The following B4GALNT3 variants were observed in gnomAD, a reference collection of about 807,000 sequenced individuals.
The protein encoded by B4GALNT3 is beta-1,4-N-acetyl-galactosaminyltransferase 3, also known as beta-1,4-N-acetylgalactosaminyltransferase 3.
B4GALNT3 carries 86 observed loss-of-function variants against 120.2 expected under a neutral mutation model. The observed-to-expected ratio is 0.72, with a 90% CI of 0.60 to 0.86. B4GALNT3 has a LOEUF of 0.86. Ranked by LOEUF, B4GALNT3 falls within the 40% of genes least tolerant of loss-of-function variation. B4GALNT3 has a pLI of 0.00. For missense variants in B4GALNT3, 1,167 were observed against 1,298.9 expected (o/e 0.90, Z 1.56); for synonymous variants, 518 against 510.4 (o/e 1.01, Z -0.20).
intron 1 of B4GALNT3, among the ~76,000 whole-genome samples, chr12:474,284 A>C (rs760133014): frequency 6.6e-6 from 1 of 152,196 alleles, no homozygotes; most frequent in Non-Finnish European, 1.5e-5. Flanking sequence ...TCCCAAAACC[A>C]GTATGGGGGG....
intron 18 of B4GALNT3, among the ~76,000 whole-genome samples, chr12:559,006 G>C (rs1947192891): frequency 6.6e-6 from 1 of 151,952 alleles, no homozygotes; most frequent in Admixed American, 6.6e-5. Flanking sequence ...AAACGGACAT[G>C]TAAACTGACA....
intron 1 of B4GALNT3, among the ~76,000 whole-genome samples, chr12:472,839 T>TCCAAAACTGCTGGGATTACAGGCACAAG (rs1946150406): frequency 1.3e-5 from 2 of 152,180 alleles, no homozygotes; most frequent in Non-Finnish European, 2.9e-5. Flanking sequence ...TGCGTCTATC[T>TCCAAAACTGCTGGGATTACAGGCACAAG]CCAAAACTGC....
In B4GALNT3 at chr12:545,427, T is replaced by C. The variant is rs1285156523; in HGVS notation, c.597T>C (p.Asp199=). 9.9e-6 allele frequency: 16 copies of C among 1,611,500 alleles called. No individual in the cohort carries two copies. The highest frequency in any genetic ancestry group is 1.7e-5 in the Admixed American group (1 of 59,738). ...DDNAEFWLSL[D]DQVSGLQLLA... ...ACGCGGAGTTCTGGCTGAGCCTCGATGACCAGGTCTCAGGCCTCCAGCTGC... is the reference window on the plus strand; with the variant it reads ...ACGCGGAGTTCTGGCTGAGCCTCGACGACCAGGTCTCAGGCCTCCAGCTGC... Residue 199 remains aspartate, a synonymous_variant, in exon 6 of 20, where the codon GAT becomes GAC. Coordinates refer to ENST00000266383, the MANE Select transcript of B4GALNT3 (RefSeq NM_173593.4).
intron 1 of B4GALNT3, among the ~76,000 whole-genome samples, chr12:531,698 G>A (rs1946809779): frequency 6.6e-6 from 1 of 152,068 alleles, no homozygotes; most frequent in Non-Finnish European, 1.5e-5. Flanking sequence ...GAGATACTGA[G>A]TATTTTTTAA....
chr12:537,697 G>A (rs1281318775), intron 3 of B4GALNT3, among the ~76,000 whole-genome samples: 2 of 152,220 alleles, frequency 1.3e-5, no homozygotes, highest in Admixed American at 1.3e-4. Context: ...TTAAATTTGA[G>A]TTTCCTATTT....
chr12:508,738 C>T (rs1309448728), intron 1 of B4GALNT3, among the ~76,000 whole-genome samples: 2 of 152,190 alleles, frequency 1.3e-5, no homozygotes, highest in Non-Finnish European at 2.9e-5. Context: ...CTTGCCCAAG[C>T]AGAGATTACA....
intron 1 of B4GALNT3, among the ~76,000 whole-genome samples, chr12:518,864 C>A (rs866323720): frequency 9.2e-5 from 14 of 151,984 alleles, no homozygotes; most frequent in Non-Finnish European, 1.5e-4. Flanking sequence ...TATTTTCAAT[C>A]GCTATTGGTT....
chr12:558,723 G>A, intron 18 of B4GALNT3, 62 bp downstream of exon 18: 3 of 1,559,632 alleles, frequency 1.9e-6, no homozygotes, highest in Non-Finnish European at 1.7e-6. Context: ...CTTAACTCCA[G>A]AGCTGGGAAC....
chr12:483,959 C>T (rs1173732756), intron 1 of B4GALNT3, among the ~76,000 whole-genome samples: 3 of 152,162 alleles, frequency 2.0e-5, no homozygotes, highest in Non-Finnish European at 2.9e-5. Flanking sequence ...GAGAAAAAGG[C>T]AGGAAAGTTA....
At chr12:484,171 T>G (rs1946267639) in intron 1 of B4GALNT3, among the ~76,000 whole-genome samples, 1 of 152,226 alleles carries the variant, frequency 6.6e-6, no homozygotes, top group African/African-American at 2.4e-5. Flanking sequence ...ACACGATCCC[T>G]GTTTCACAGG....
rs898950234 is a variant in B4GALNT3 at position 526,298 on chromosome 12, C to T, written c.170-8868C>T. On this transcript the variant is annotated intron_variant, in intron 1 of 19. Coordinates refer to ENST00000266383, the MANE Select transcript of B4GALNT3 (RefSeq NM_173593.4). Reference sequence around the variant, plus strand: ...GCTCATTCTTTCTCAGCCTGCTGATCGCTTACTCCTGACCACCACTAAACT... The same window carrying T: ...GCTCATTCTTTCTCAGCCTGCTGATTGCTTACTCCTGACCACCACTAAACT... Among the ~76,000 whole-genome samples the T allele has an allele frequency of 2.6e-5, 4 of 152,308 alleles. 1 individual carries two copies. In the South Asian group the frequency reaches 6.2e-4, roughly 24 times the overall value.
intron 1 of B4GALNT3, among the ~76,000 whole-genome samples, chr12:507,231 T>C (rs991086322): frequency 6.6e-6 from 1 of 152,248 alleles, no homozygotes; most frequent in African/African-American, 2.4e-5. Flanking sequence ...AAGCGTTTTT[T>C]TGATAGTGTC....
chr12:482,540 T>G (rs571771858), intron 1 of B4GALNT3, among the ~76,000 whole-genome samples: 1 of 152,168 alleles, frequency 6.6e-6, no homozygotes, highest in South Asian at 2.1e-4. Context: ...CCAATAAAGA[T>G]CAATATTTGG....
chr12:541,127 G>T (rs757450909), intron 3 of B4GALNT3, among the ~76,000 whole-genome samples: 38 of 152,350 alleles, frequency 2.5e-4, no homozygotes, highest in Middle Eastern at 3.4e-3. Flanking sequence ...GACTCCGTGT[G>T]GGGGAGAAGC....
intron 1 of B4GALNT3, among the ~76,000 whole-genome samples, chr12:471,451 A>T (rs1228956018): frequency 6.6e-6 from 1 of 151,894 alleles, no homozygotes; most frequent in African/African-American, 2.4e-5. Flanking sequence ...TCATGCCTGA[A>T]ATCCTGGCAC....
intron 1 of B4GALNT3, among the ~76,000 whole-genome samples, chr12:465,597 T>TA (rs1332801575): frequency 6.6e-6 from 1 of 152,184 alleles, no homozygotes; most frequent in African/African-American, 2.4e-5. Context: ...TAGGTGACCT[T>TA]ACCCATATTT....
chr12:508,622 T>A (rs78570242), intron 1 of B4GALNT3, among the ~76,000 whole-genome samples: 4,901 of 152,282 alleles, frequency 0.032, 278 homozygotes, highest in African/African-American at 0.11. Flanking sequence ...TTCCTCTCAC[T>A]TAATATTTGT....
chr12:496,866 A>G (rs1038409524), intron 1 of B4GALNT3, among the ~76,000 whole-genome samples: 3 of 152,158 alleles, frequency 2.0e-5, no homozygotes, highest in Non-Finnish European at 4.4e-5. Flanking sequence ...GTAGCATGTT[A>G]GTACTTCATT....
chr12:552,743 G>T, intron 13 of B4GALNT3: 2 of 581,902 alleles, frequency 3.4e-6, no homozygotes, highest in Non-Finnish European at 6.1e-6. Context: ...TTAGCAGCAT[G>T]CTGGGGTCAG....
Sources: gnomAD v4.1 joint callset for allele counts (sites outside exome capture counted in the v4.1 genomes callset) on GRCh38, gnomAD v4.1.1 for gene constraint, MANE v1.5 for transcripts, NCBI Gene and HGNC (gene_info 2026-07-23, HGNC 2026-07-21) for gene names.